KDM5B: variants seen among roughly 807,000 people sequenced by gnomAD.
The protein encoded by KDM5B is lysine demethylase 5B.
A neutral mutation model predicts 193.4 loss-of-function variants in KDM5B; 144 were observed. That is an observed-to-expected ratio of 0.74 (90% CI 0.65 to 0.86). The LOEUF is 0.86. Among genes scored for constraint, KDM5B ranks in the 40% least tolerant of loss-of-function variants. KDM5B has a pLI of 0.00. For missense variants in KDM5B, 1,833 were observed against 1,886.9 expected (o/e 0.97, Z 0.53); for synonymous variants, 668 against 682.6 (o/e 0.98, Z 0.33).
chr1:202,770,758 G>A (rs1005712107), intron 4 of KDM5B, among the ~76,000 whole-genome samples: 3 of 152,124 alleles, frequency 2.0e-5, no homozygotes, highest in Admixed American at 6.6e-5. Context: ...AAAAATAGCC[G>A]TGAGAGAAGT....
chr1:202,733,448 A>G lies in KDM5B; in HGVS notation c.3862T>C (p.Tyr1288His), dbSNP rs137981335. 1.9e-5 allele frequency: 31 copies of G among 1,614,056 alleles called. No individual in the cohort carries two copies. The highest frequency in any genetic ancestry group is 1.2e-4 in the African/African-American group (9 of 74,934). The part of the protein sequence containing the change: ...VQDRVGSGLL[Y>H]SRWQASAGQV... ...CCTGCTGAGGCTTGCCATCTGCTAT[A>G]TAACAGTCCTGAGCCCACTCGATCT... The change falls in exon 23 of 27, where the codon TAT becomes CAT. Residue 1288 changes from tyrosine to histidine, a missense_variant. This residue lies in a region of KDM5B where 1,379 missense variants were observed against 1,349.6 expected (regional missense o/e 1.02). Coordinates refer to ENST00000367265, the MANE Select transcript of KDM5B (RefSeq NM_006618.5).
chr1:202,742,351 G>T (rs1369633012), intron 18 of KDM5B, 40 bp downstream of exon 18: 5 of 1,364,584 alleles, frequency 3.7e-6, no homozygotes, highest in South Asian at 3.5e-5. Context: ...CAAAATACAG[G>T]ATTACCAAAG....
Position 202,762,743 on chromosome 1 carries a change from C to T in KDM5B, c.874G>A (p.Glu292Lys). Residue 292 changes from glutamate to lysine, a missense_variant, in exon 7 of 27, where the codon GAG becomes AAG. Glu to Lys is a moderately conservative substitution (Grantham distance 56). Transcript: ENST00000367265. ...IERKDYIVEN[E>K]KEKPKSRSKK... ...GATCGACTCTTGGGCTTTTCCTTCT[C>T]ATTTTCTACAATATAATCTTTCCTC... 1 of 1,611,670 alleles carries T rather than the reference C, an allele frequency of 6.2e-7. No homozygotes were observed. Among genetic ancestry groups the T allele is most frequent in the South Asian group, 1.1e-5 (1 of 91,026 alleles).
rs773767052 is a variant in KDM5B, at chr1:202,733,874, C to A, written c.3436G>T (p.Gly1146Trp). The A allele has an allele frequency of 1.0e-5, 16 of 1,607,448 alleles. No individual in the cohort carries two copies. The highest frequency in any genetic ancestry group is 1.4e-5 in the Non-Finnish European group (16 of 1,176,834). Residue 1146 changes from glycine to tryptophan, a missense_variant, in exon 23 of 27, where the codon GGG becomes TGG. Transcript: ENST00000367265. The stretch of plus-strand genomic sequence containing the variant: ...TCCATTTCCCTTAGGCGAGCTTCCC[C>A]AAGAGTTGCCATCTGAAAAAGAGTT... ...KETASAMATL[G>W]EARLREMEAL...
rs199618695 is a variant in KDM5B at position 202,779,847 on chromosome 1, A to ATAAAAAAT, written c.205-2754_205-2753insATTTTTTA. Among the ~76,000 whole-genome samples the ATAAAAAAT allele has an allele frequency of 2.5e-3, 369 of 148,002 alleles. 1 individual carries two copies. The highest frequency in any genetic ancestry group is 8.8e-3 in the African/African-American group (357 of 40,404). ...AATAAATAAATAAATAAATAAATAA[A>ATAAAAAAT]AAATAAAGGAAGAAAAAACAAAATA... On this transcript the variant is annotated intron_variant, in intron 1 of 26. Transcript: ENST00000367265.
At chr1:202,767,418 C>T (rs567541789) in intron 4 of KDM5B, 1 of 1,388,698 alleles carries the variant, frequency 7.2e-7, no homozygotes, top group Non-Finnish European at 1.0e-6. Context: ...TCTAGCCCAA[C>T]ATAGCGCTGC....
intron 22 of KDM5B, among the ~76,000 whole-genome samples, chr1:202,734,673 T>A (rs554932099): frequency 1.3e-5 from 2 of 152,234 alleles, no homozygotes; most frequent in Non-Finnish European, 2.9e-5. Context: ...GGACCTCTGA[T>A]GGCAGAATTC....
intron 9 of KDM5B, among the ~76,000 whole-genome samples, chr1:202,757,232 T>C (rs1195493383): frequency 6.6e-6 from 1 of 152,198 alleles, no homozygotes; most frequent in Non-Finnish European, 1.5e-5. Context: ...GGTGTAATGT[T>C]TGCCCACTGA....
At position 202,736,093 on chromosome 1, in the gene KDM5B, G is replaced by A. The variant is rs541159309; in HGVS notation, c.3264+120C>T. The A allele has an allele frequency of 5.1e-4, 354 of 689,456 alleles. 2 individuals are homozygous for A. The highest frequency in any genetic ancestry group is 5.0e-5 in the Non-Finnish European group (23 of 457,014). 42.7% of individuals were successfully genotyped at this position (689,456 alleles called of 1,614,324 possible). ...ATTAGAAGAGTCTCCCTGGCTTTAC[G>A]GGAAGAACAACTCACAGAATATAGA... On this transcript the variant is annotated intron_variant, in intron 21 of 26. Coordinates refer to ENST00000367265, the MANE Select transcript of KDM5B (RefSeq NM_006618.5).
At chr1:202,760,682 G>A (rs1304884592) in intron 7 of KDM5B, 109 bp from the exon 8 acceptor site, 4 of 684,848 alleles carry the variant, frequency 5.8e-6, no homozygotes, top group Admixed American at 6.9e-5. Flanking sequence ...TCTACATCCT[G>A]CTACAAATGC....
chr1:202,748,584 G>A (rs1179875758), intron 14 of KDM5B, among the ~76,000 whole-genome samples: 1 of 151,978 alleles, frequency 6.6e-6, no homozygotes, highest in Non-Finnish European at 1.5e-5. Flanking sequence ...AAAATAAAGG[G>A]CAAGCCGGGT....
At chr1:202,760,607 A>G (rs554261529) in intron 7 of KDM5B, 34 bp from the exon 8 acceptor site, 11 of 1,481,104 alleles carry the variant, frequency 7.4e-6, no homozygotes, top group African/African-American at 7.2e-5. Flanking sequence ...GAACAAAGGA[A>G]CATGAGCTAT....
intron 4 of KDM5B, among the ~76,000 whole-genome samples, chr1:202,768,002 T>C (rs1656547166): frequency 6.6e-6 from 1 of 152,230 alleles, no homozygotes; most frequent in Admixed American, 6.5e-5. Context: ...AAAGTTATCA[T>C]CCAAAGATAT....
chr1:202,764,295 A>G, intron 5 of KDM5B, 150 bp from the exon 6 acceptor site: 1 of 525,522 alleles, frequency 1.9e-6, no homozygotes, highest in East Asian at 3.4e-5. Context: ...TAAGGAAGAG[A>G]GCTCACCTTT....
intron 4 of KDM5B, among the ~76,000 whole-genome samples, chr1:202,771,729 G>A (rs779716758): frequency 1.2e-4 from 18 of 151,788 alleles, no homozygotes; most frequent in African/African-American, 1.7e-4. Flanking sequence ...CTACAGGCAC[G>A]CACCACCACG....
chr1:202,761,906 C>G (rs957671226), intron 7 of KDM5B, among the ~76,000 whole-genome samples: 2 of 150,730 alleles, frequency 1.3e-5, no homozygotes, highest in Non-Finnish European at 2.9e-5. Flanking sequence ...CTGTTGCAGT[C>G]TATTTATTGT....
intron 1 of KDM5B, among the ~76,000 whole-genome samples, chr1:202,789,755 CAGAG>C (rs975089286): frequency 6.6e-6 from 1 of 150,474 alleles, no homozygotes; most frequent in African/African-American, 2.4e-5. Flanking sequence ...TTAAGACAGA[CAGAG>C]AGAGAGAGCA....
rs1191741439 is a variant in KDM5B, at chr1:202,741,616, T to G, written c.2696A>C (p.Glu899Ala). 1.2e-6 allele frequency: 2 copies of G among 1,614,072 alleles called. No homozygotes were observed. The highest frequency in any genetic ancestry group is 1.7e-5 in the Admixed American group (1 of 60,014). ...ELQDLLDVSFEFDVELPQLAE... is the reference protein window; with the variant it reads ...ELQDLLDVSFAFDVELPQLAE... ...AAGCTGTGGAAGTTCAACATCAAAT[T>G]CAAAGCTGACATCTAGCAAGTCCTG... Residue 899 changes from glutamate to alanine, a missense_variant, in exon 19 of 27, where the codon GAA becomes GCA. By Grantham distance (107) the Glu-to-Ala change is moderately radical. Transcript: ENST00000367265.
chr1:202,752,640 A>G (rs768987654), intron 12 of KDM5B, among the ~76,000 whole-genome samples: 10 of 152,220 alleles, frequency 6.6e-5, no homozygotes, highest in African/African-American at 9.6e-5. Context: ...TAAATACACT[A>G]AAACCAATGA....
Sources: gnomAD v4.1 joint callset for allele counts (sites outside exome capture counted in the v4.1 genomes callset) on GRCh38, gnomAD v4.1.1 for gene constraint, gnomAD v4.1.1 regional missense constraint, MANE v1.5 for transcripts, NCBI Gene and HGNC (gene_info 2026-07-23, HGNC 2026-07-21) for gene names.